The following PTPRF variants were observed in gnomAD, a reference collection of about 807,000 sequenced individuals.
The protein encoded by PTPRF is receptor-type tyrosine-protein phosphatase F.
A neutral mutation model predicts 201.8 loss-of-function variants in PTPRF; 59 were observed. The ratio of observed to expected loss-of-function variants is 0.29; its 90% CI spans 0.24 to 0.36. The LOEUF (loss-of-function observed/expected upper bound fraction) is 0.36, where lower values mean the gene tolerates loss of function less well. Among genes scored for constraint, PTPRF ranks in the 10% least tolerant of loss-of-function variants. The probability of loss-of-function intolerance (pLI) is 1.00; values close to 1 mark genes in which losing one functional copy is unlikely to be tolerated. For missense variants in PTPRF, 2,132 were observed against 2,690.5 expected (o/e 0.79, Z 4.59); for synonymous variants, 1,088 against 1,089.7 (o/e 1.00, Z 0.03).
rs186191212 is a variant in PTPRF at position 43,598,156 on chromosome 1, C to T, written c.2119+103C>T. On this transcript the variant is annotated intron_variant, in intron 12 of 33. Transcript: ENST00000359947. ...TCCTGAACACAGGCCCAGGTCAACT[C>T]ATCTTTCTGGTTCAGGTGTAATGGC... The T allele has an allele frequency of 4.9e-6, 6 of 1,225,814 alleles. No individual in the cohort carries two copies. In the African/African-American group the frequency reaches 9.2e-5, roughly 19 times the overall value. The allele number at this position is 1,225,814 out of a possible 1,614,324, so 75.9% of individuals were successfully genotyped here.
At position 43,530,942 on chromosome 1, in the gene PTPRF, GGGCTCCGGCTCC is replaced by G. The variant is rs780812023; in HGVS notation, c.-255_-244del. ...CCAGCTTCGGCTCCGGCTCGGGCTC[GGGCTCCGGCTCC>G]GGCTCCGGCTCCGGCTCCAGCTCGG... On this transcript the variant is annotated 5_prime_UTR_variant, in exon 1 of 34. Coordinates refer to ENST00000359947, the MANE Select transcript of PTPRF (RefSeq NM_002840.5). This position sits in a 1 kb window ranked among gnomAD's most constrained non-coding sequence, Gnocchi z 4.1. 9.9e-4 allele frequency: 154 copies of G among 156,218 alleles called. No individual in the cohort carries two copies. Among genetic ancestry groups the G allele is most frequent in the East Asian group, 2.1e-3 (11 of 5,338 alleles). The allele number at this position is 156,218 out of a possible 1,614,324, so 9.7% of individuals were successfully genotyped here. A position where few individuals can be genotyped will look rare whatever the true frequency, so the allele number is the denominator to read the frequency against.
chr1:43,580,800 C>T (rs1647394482), intron 7 of PTPRF, among the ~76,000 whole-genome samples: 1 of 152,232 alleles, frequency 6.6e-6, no homozygotes, highest in South Asian at 2.1e-4. Flanking sequence ...CAGTTCCAGG[C>T]CTCAGCAAGA....
chr1:43,613,740 T>C (rs603542), intron 23 of PTPRF, 25 bp downstream of exon 23: 1,009,917 of 1,598,766 alleles, frequency 0.63, 328,264 homozygotes, highest in Non-Finnish European at 0.67. Flanking sequence ...CCCCCTACCA[T>C]GTGCCTGGCC....
intron 5 of PTPRF, among the ~76,000 whole-genome samples, chr1:43,563,252 G>T (rs954337441): frequency 5.3e-5 from 8 of 151,934 alleles, no homozygotes; most frequent in Admixed American, 6.6e-5. Context: ...GAGGTGCAAG[G>T]CTCCAGGTTC....
At chr1:43,615,551 C>CTTTTTTTTTTTTTTTTTTTTTTT (rs68193223) in intron 23 of PTPRF, among the ~76,000 whole-genome samples, 6 of 84,162 alleles carry the variant, frequency 7.1e-5, no homozygotes, top group African/African-American at 2.9e-4. Flanking sequence ...GCTCTGTTGT[C>CTTTTTTTTTTTTTTTTTTTTTTT]TTTTTTTTTT....
chr1:43,563,713 G>A (rs1027918014), intron 5 of PTPRF, among the ~76,000 whole-genome samples: 7 of 152,224 alleles, frequency 4.6e-5, no homozygotes, highest in African/African-American at 1.7e-4. Context: ...GGTGTTGGGA[G>A]ACAGCAGGGC....
At chr1:43,605,698 TC>T in intron 19 of PTPRF, 76 bp downstream of exon 19, 3 of 1,357,222 alleles carry the variant, frequency 2.2e-6, no homozygotes, top group East Asian at 4.6e-5. Context: ...CTGAGCACTG[TC>T]CCAGTGACTC....
At chr1:43,576,868 C>G (rs650729) in intron 6 of PTPRF, among the ~76,000 whole-genome samples, 115,969 of 152,118 alleles carry the variant, frequency 0.76, 44,592 homozygotes, top group African/African-American at 0.79. Context: ...TGGTCTCAGG[C>G]AAGAGCAGCT....
chr1:43,584,214 T>G (rs1261933695), intron 7 of PTPRF, among the ~76,000 whole-genome samples: 2 of 152,138 alleles, frequency 1.3e-5, no homozygotes, highest in African/African-American at 4.8e-5. Context: ...CATTGGGTTT[T>G]GGGGGTTCAG....
chr1:43,536,456 T>C (rs1401424515), intron 1 of PTPRF, among the ~76,000 whole-genome samples: 1 of 152,196 alleles, frequency 6.6e-6, no homozygotes, highest in East Asian at 1.9e-4. Flanking sequence ...TTCTGCTCCA[T>C]GTAGGGCCTG....
chr1:43,590,832 C>T (rs912546803), intron 8 of PTPRF, 140 bp from the exon 9 acceptor site: 6 of 838,266 alleles, frequency 7.2e-6, no homozygotes, highest in South Asian at 3.5e-5. Flanking sequence ...TAAGCTTTTC[C>T]AGCCATTTTT....
chr1:43,558,817 G>C (rs1256592208), intron 5 of PTPRF, among the ~76,000 whole-genome samples: 1 of 152,122 alleles, frequency 6.6e-6, no homozygotes, highest in African/African-American at 2.4e-5. Flanking sequence ...AGGTTGAGGG[G>C]CAGTGAAGGT....
At chr1:43,598,396 T>C in intron 12 of PTPRF, 1 of 462,994 alleles carries the variant, frequency 2.2e-6, no homozygotes. Flanking sequence ...GATTGGGGCC[T>C]AGGAGGAGTC....
At chr1:43,578,610 CA>C (rs1647093907) in intron 6 of PTPRF, among the ~76,000 whole-genome samples, 199 bp from the exon 7 acceptor site, 2 of 152,192 alleles carry the variant, frequency 1.3e-5, no homozygotes, top group South Asian at 4.1e-4. Flanking sequence ...TGCTCCAAAG[CA>C]CAACCGTTGG....
chr1:43,536,934 T>G (rs1249439840), intron 1 of PTPRF, among the ~76,000 whole-genome samples: 1 of 152,176 alleles, frequency 6.6e-6, no homozygotes, highest in Non-Finnish European at 1.5e-5. Flanking sequence ...AATTCCCAGG[T>G]GCAGAGGTGT....
rs1657232441 is a variant in PTPRF at position 43,614,447 on chromosome 1, C to G, written c.4071+732C>G. ...TCCTAGGAGCCTGCTGGGGGCTGAG[C>G]CTTCAAGAGTCTGAGGGTTTCCCAC... On this transcript the variant is annotated intron_variant, in intron 23 of 33. Coordinates refer to ENST00000359947, the MANE Select transcript of PTPRF (RefSeq NM_002840.5). Among the ~76,000 whole-genome samples the G allele has an allele frequency of 2.0e-5, 3 of 152,160 alleles. 1 individual carries two copies. Among genetic ancestry groups the G allele is most frequent in the South Asian group, 4.1e-4 (2 of 4,824 alleles).
At position 43,591,393 on chromosome 1, in the gene PTPRF, C is replaced by T. The variant is rs1413058154; in HGVS notation, c.1371C>T (p.Arg457=). 30 of 1,562,786 alleles carry T rather than the reference C, an allele frequency of 1.9e-5. No homozygotes were observed. Among genetic ancestry groups the T allele is most frequent in the Non-Finnish European group, 2.4e-5 (28 of 1,155,256 alleles). The change falls in exon 9 of 34, where the codon CGC becomes CGT. Residue 457 remains arginine (R), a synonymous_variant. Coordinates refer to ENST00000359947, the MANE Select transcript of PTPRF (RefSeq NM_002840.5). ...YRVYYTPDSR[R]PPNAWHKHNT... is the part of the protein sequence containing the mutation. ...TCTACTATACTCCGGACTCCCGCCG[C>T]CCCCCGAACGCCTGGCACAAGCACA...
intron 6 of PTPRF, among the ~76,000 whole-genome samples, chr1:43,575,030 A>G (rs558837251): frequency 2.6e-5 from 4 of 152,322 alleles, no homozygotes; most frequent in Non-Finnish European, 5.9e-5. Context: ...CGTGGGCAGG[A>G]AGCAGGCAGC....
intron 20 of PTPRF, 53 bp from the exon 21 acceptor site, chr1:43,606,761 G>A (rs1333858773): frequency 4.4e-6 from 7 of 1,593,084 alleles, no homozygotes; most frequent in Non-Finnish European, 6.0e-6. Flanking sequence ...TAGGCAGAGG[G>A]TGGGGGGTTC....
Sources: allele counts gnomAD v4.1 joint callset (sites outside exome capture counted in the v4.1 genomes callset), GRCh38; gene constraint gnomAD v4.1.1; non-coding constraint Gnocchi (gnomAD v3.1); transcripts MANE v1.5; gene names NCBI Gene and HGNC (gene_info 2026-07-23, HGNC 2026-07-21).